The following LRRC4C variants were observed in gnomAD, a reference collection of about 807,000 sequenced individuals.
LRRC4C encodes the protein leucine-rich repeat-containing protein 4C.
A neutral mutation model predicts 33.6 loss-of-function variants in LRRC4C; 5 were observed. That is an observed-to-expected ratio of 0.15 (90% CI 0.08 to 0.31). LRRC4C has a LOEUF of 0.31. Among genes scored for constraint, LRRC4C ranks in the 10% least tolerant of loss-of-function variants. LRRC4C has a pLI of 1.00. For synonymous variants in LRRC4C, 329 were observed against 302.0 expected (o/e 1.09, Z -0.93); for missense variants, 560 against 796.7 (o/e 0.70, Z 3.58).
intron 1 of LRRC4C, chr11:41,426,336 G>A (rs771991131): frequency 5.9e-5 from 9 of 152,140 alleles, no homozygotes; most frequent in South Asian, 2.1e-4. Context: ...CCTGGACTCC[G>A]ACTGAGAACA....
intron 1 of LRRC4C, among the ~76,000 whole-genome samples, chr11:41,364,604 G>T (rs117215283): frequency 0.011 from 1,636 of 152,222 alleles, 39 homozygotes; most frequent in Admixed American, 0.053. Flanking sequence ...ATCGTCAAAT[G>T]CAATAAGAAA....
rs191473384 is a variant in LRRC4C at position 41,327,269 on chromosome 11, C to T, written c.-496+132162G>A. On this transcript the variant is annotated intron_variant, in intron 1 of 6. Transcript: ENST00000528697. ...TCCAATTACAATGTAGTTGGTGTGTCGCCGTCTGTCAGAGAGCAGCGTGAG... is the reference window on the plus strand; with the variant it reads ...TCCAATTACAATGTAGTTGGTGTGTTGCCGTCTGTCAGAGAGCAGCGTGAG... Among the ~76,000 whole-genome samples, 15 of 152,186 alleles carry T rather than the reference C, an allele frequency of 9.9e-5. No individual in the cohort carries two copies. The South Asian group carries it at 1.2e-3, about 13-fold the overall frequency.
At chr11:40,389,433 C>A (rs550836705) in intron 3 of LRRC4C, among the ~76,000 whole-genome samples, 1 of 151,314 alleles carries the variant, frequency 6.6e-6, no homozygotes, top group Non-Finnish European at 1.5e-5. Context: ...TCTTTTGTTA[C>A]GTATCCAATG....
intron 1 of LRRC4C, among the ~76,000 whole-genome samples, chr11:41,088,907 T>C (rs1940199399): frequency 6.6e-6 from 1 of 152,046 alleles, no homozygotes; most frequent in African/African-American, 2.4e-5. Flanking sequence ...CTTTTTCTCT[T>C]AGATTTAGAT....
chr11:40,891,178 A>G (rs976374486), intron 2 of LRRC4C, among the ~76,000 whole-genome samples: 1 of 152,008 alleles, frequency 6.6e-6, no homozygotes, highest in Non-Finnish European at 1.5e-5. Context: ...CGGAGGTTGC[A>G]GTGAGCTGAG....
intron 2 of LRRC4C, among the ~76,000 whole-genome samples, chr11:40,693,472 G>A (rs1271816054): frequency 6.6e-6 from 1 of 152,130 alleles, no homozygotes; most frequent in Admixed American, 6.6e-5. Flanking sequence ...CAAAGTACAT[G>A]TGTGTAGGGT....
intron 5 of LRRC4C, among the ~76,000 whole-genome samples, chr11:40,209,611 C>A (rs754278935): frequency 1.3e-5 from 2 of 152,042 alleles, no homozygotes; most frequent in Non-Finnish European, 1.5e-5. Context: ...GGTGCGATCT[C>A]GGCTCACGGC....
intron 3 of LRRC4C, among the ~76,000 whole-genome samples, chr11:40,612,280 G>A (rs1256919126): frequency 6.6e-6 from 1 of 151,806 alleles, no homozygotes; most frequent in Non-Finnish European, 1.5e-5. Context: ...ATTGAAATAA[G>A]CCAGTCACAG....
intron 2 of LRRC4C, among the ~76,000 whole-genome samples, chr11:40,649,900 G>T (rs932431890): frequency 6.6e-6 from 1 of 152,152 alleles, no homozygotes; most frequent in African/African-American, 2.4e-5. Context: ...AAATTGTAAA[G>T]CAAAGACTTA....
chr11:41,338,011 C>T lies in LRRC4C; in HGVS notation c.-496+121420G>A, dbSNP rs114420844. Among the ~76,000 whole-genome samples the T allele has an allele frequency of 6.7e-3, 1,024 of 152,190 alleles. 10 individuals are homozygous for T. Among genetic ancestry groups the T allele is most frequent in the African/African-American group, 0.023 (972 of 41,536 alleles). The stretch of plus-strand genomic sequence containing the variant: ...TACCATCCCATCCCAATCACAATGG[C>T]GATTATTAAAACATGAAGAAACAAC... On this transcript the variant is annotated intron_variant, in intron 1 of 6. Coordinates refer to ENST00000528697, the MANE Select transcript of LRRC4C (RefSeq NM_001258419.2).
At chr11:41,321,573 T>A (rs186470920) in intron 1 of LRRC4C, among the ~76,000 whole-genome samples, 1 of 152,310 alleles carries the variant, frequency 6.6e-6, no homozygotes, top group East Asian at 1.9e-4. Flanking sequence ...AGCTAAGAGC[T>A]TTTAATGATC....
chr11:41,150,314 C>A (rs1311664098), intron 1 of LRRC4C, among the ~76,000 whole-genome samples: 1 of 152,120 alleles, frequency 6.6e-6, no homozygotes, highest in Non-Finnish European at 1.5e-5. Flanking sequence ...ACAGCAGGTT[C>A]TTAGAAACAA....
chr11:40,302,146 T>A (rs1000236547), intron 4 of LRRC4C, among the ~76,000 whole-genome samples: 1 of 152,318 alleles, frequency 6.6e-6, no homozygotes, highest in South Asian at 2.1e-4. Context: ...CTGTGAGGTA[T>A]GTCCCAGATT....
intron 3 of LRRC4C, among the ~76,000 whole-genome samples, chr11:40,414,421 G>A (rs1950254206): frequency 1.3e-5 from 2 of 152,064 alleles, no homozygotes; most frequent in South Asian, 4.1e-4. Context: ...AGTTCAGGGA[G>A]GGAATCCATT....
chr11:40,887,635 A>G (rs1955525633), intron 2 of LRRC4C, among the ~76,000 whole-genome samples: 1 of 152,014 alleles, frequency 6.6e-6, no homozygotes, highest in Non-Finnish European at 1.5e-5. Context: ...ATACATTGCC[A>G]AGGTTCTAGA....
intron 2 of LRRC4C, among the ~76,000 whole-genome samples, chr11:40,814,560 T>C (rs1004754041): frequency 1.3e-5 from 2 of 152,212 alleles, no homozygotes; most frequent in East Asian, 1.9e-4. Flanking sequence ...GGTTCCTTGT[T>C]CCTTGTGCAA....
Position 40,455,267 on chromosome 11 carries a change from C to T in LRRC4C, c.-269-135546G>A, listed in dbSNP as rs75557801. ...GCATGGCTACTGCCTTTGTACAAAA[C>T]GAGGTGCTCACTAGTTCCAGATGGA... is the stretch of plus-strand genomic sequence containing the variant. On this transcript the variant is annotated intron_variant, in intron 3 of 6. Coordinates refer to ENST00000528697, the MANE Select transcript of LRRC4C (RefSeq NM_001258419.2). 2.5e-3 allele frequency among the ~76,000 whole-genome samples: 386 copies of T among 152,274 alleles called. 2 individuals carry two copies. Among genetic ancestry groups the T allele is most frequent in the African/African-American group, 8.9e-3 (369 of 41,544 alleles).
At chr11:40,676,842 T>C (rs1400935719) in intron 2 of LRRC4C, among the ~76,000 whole-genome samples, 1 of 152,158 alleles carries the variant, frequency 6.6e-6, no homozygotes, top group Non-Finnish European at 1.5e-5. Context: ...CCTGTGCCTG[T>C]TAATCCTAAA....
In LRRC4C at chr11:41,281,078, C is replaced by CCT. The variant is rs142279457; in HGVS notation, c.-496+178351_-496+178352dup. On this transcript the variant is annotated intron_variant, in intron 1 of 6. Transcript: ENST00000528697. ...TCTCTCTCTCTCTCTCTCTCTCTGT[C>CCT]CTCTCTCTCTCTCTCTCTCTCTCTC... 8.9e-3 allele frequency among the ~76,000 whole-genome samples: 742 copies of CCT among 83,076 alleles called. 2 individuals carry two copies. Among genetic ancestry groups the CCT allele is most frequent in the African/African-American group, 0.031 (567 of 18,432 alleles). The allele number at this position is 83,076 out of a possible 152,430, so 54.5% of individuals were successfully genotyped here.
Sources: gnomAD v4.1 joint callset for allele counts (sites outside exome capture counted in the v4.1 genomes callset) on GRCh38, gnomAD v4.1.1 for gene constraint, MANE v1.5 for transcripts, NCBI Gene and HGNC (gene_info 2026-07-23, HGNC 2026-07-21) for gene names.